Variants in STIM1 observed in about 807,000 individuals in gnomAD.
STIM1 encodes stromal interaction molecule 1.
In STIM1, 25 loss-of-function variants were observed where a neutral mutation model predicts 74.7. The ratio of observed to expected loss-of-function variants is 0.33; its 90% CI spans 0.24 to 0.47. The LOEUF (loss-of-function observed/expected upper bound fraction) is 0.47. Among genes scored for constraint, STIM1 ranks in the 20% least tolerant of loss-of-function variants. The pLI is 1.00. For missense variants in STIM1, 728 were observed against 920.8 expected (o/e 0.79, Z 2.71); for synonymous variants, 328 against 348.8 (o/e 0.94, Z 0.66).
At chr11:4,024,016 G>A in intron 3 of STIM1, 29 bp downstream of exon 3, 1 of 1,588,970 alleles carries the variant, frequency 6.3e-7, no homozygotes, top group Non-Finnish European at 8.6e-7. Flanking sequence ...ATCAATCCTA[G>A]TTGTGGGAAG....
chr11:3,897,237 C>A (rs1337174442), intron 1 of STIM1, among the ~76,000 whole-genome samples: 1 of 152,036 alleles, frequency 6.6e-6, no homozygotes, highest in Non-Finnish European at 1.5e-5. Flanking sequence ...TTCCATAAAG[C>A]CAGCTCTGGT....
At chr11:4,053,904 G>A (rs1339322141) in intron 3 of STIM1, among the ~76,000 whole-genome samples, 2 of 152,004 alleles carry the variant, frequency 1.3e-5, no homozygotes, top group Admixed American at 6.6e-5. Flanking sequence ...TACCATGCCC[G>A]GCCTATATTA....
chr11:3,944,598 G>A (rs965072436), intron 1 of STIM1, among the ~76,000 whole-genome samples: 1 of 152,214 alleles, frequency 6.6e-6, no homozygotes, highest in African/African-American at 2.4e-5. Context: ...AGTAGAAAGA[G>A]CACAATTTAA....
chr11:4,083,234 G>T, intron 9 of STIM1, 29 bp from the exon 10 acceptor site: 1 of 1,609,392 alleles, frequency 6.2e-7, no homozygotes, highest in Non-Finnish European at 8.5e-7. Context: ...CCAAGTCCAT[G>T]CCTGCAGTTC....
At chr11:3,934,205 T>C (rs1229068855) in intron 1 of STIM1, among the ~76,000 whole-genome samples, 3 of 148,620 alleles carry the variant, frequency 2.0e-5, no homozygotes, top group African/African-American at 7.4e-5. Context: ...GTGTCTTCAA[T>C]AGCTTTTCAG....
intron 2 of STIM1, among the ~76,000 whole-genome samples, chr11:4,013,690 C>CTTTTTTTTT (rs1169600270): frequency 0.018 from 954 of 51,950 alleles, 95 homozygotes; most frequent in Non-Finnish European, 0.022. Context: ...TCATTGATTT[C>CTTTTTTTTT]TTTTTTTTTT....
intron 3 of STIM1, among the ~76,000 whole-genome samples, chr11:4,041,144 G>A (rs2094143930): frequency 6.6e-6 from 1 of 152,170 alleles, no homozygotes. Context: ...AAGAAGCTGG[G>A]TTTTGTGATG....
chr11:3,954,559 G>A (rs1015221353), intron 1 of STIM1, among the ~76,000 whole-genome samples: 1 of 152,188 alleles, frequency 6.6e-6, no homozygotes, highest in Non-Finnish European at 1.5e-5. Flanking sequence ...AATATAGGTT[G>A]TTTTGAGAAT....
intron 3 of STIM1, among the ~76,000 whole-genome samples, chr11:4,032,431 T>G (rs1288653249): frequency 6.6e-6 from 1 of 152,254 alleles, no homozygotes; most frequent in Non-Finnish European, 1.5e-5. Flanking sequence ...CATGCTATTT[T>G]GATTACCATA....
intron 2 of STIM1, among the ~76,000 whole-genome samples, chr11:4,004,235 A>G (rs895531654): frequency 2.0e-5 from 3 of 152,148 alleles, no homozygotes; most frequent in Admixed American, 6.5e-5. Flanking sequence ...AATTGGAAAA[A>G]ACTAAAGTTC....
At chr11:3,994,361 G>C (rs1338175470) in intron 2 of STIM1, among the ~76,000 whole-genome samples, 1 of 151,784 alleles carries the variant, frequency 6.6e-6, no homozygotes, top group Non-Finnish European at 1.5e-5. Flanking sequence ...ATCCTATTTG[G>C]AGTTTATTAG....
At chr11:3,872,406 A>G (rs750719149) in intron 1 of STIM1, among the ~76,000 whole-genome samples, 3 of 152,236 alleles carry the variant, frequency 2.0e-5, no homozygotes, top group Non-Finnish European at 2.9e-5. Context: ...CTGGCATTAC[A>G]CCAGTTGGAA....
rs1179926759 is a variant in STIM1, at chr11:4,045,789, G to A, written c.386-9737G>A. ...TTTTTTTTTTTTTTTTTTTTGAGAC[G>A]AAGTTTTGCTCTGTTGCCCAGGCTG... On this transcript the variant is annotated intron_variant, in intron 3 of 12. Coordinates refer to ENST00000526596, the MANE Select transcript of STIM1 (RefSeq NM_001382567.1). Among the ~76,000 whole-genome samples, 7 of 108,990 alleles carry A rather than the reference G, an allele frequency of 6.4e-5. No individual in the cohort carries two copies. In the East Asian group the frequency reaches 8.2e-4, roughly 13 times the overall value. The allele number at this position is 108,990 out of a possible 152,430, so 71.5% of individuals were successfully genotyped here. A position where few individuals can be genotyped will look rare whatever the true frequency, so the allele number is the denominator to read the frequency against.
intron 2 of STIM1, among the ~76,000 whole-genome samples, chr11:3,997,082 CTG>C (rs1405608154): frequency 6.6e-6 from 1 of 152,222 alleles, no homozygotes; most frequent in Non-Finnish European, 1.5e-5. Context: ...TAGAGTTTCT[CTG>C]TCTTTGCCAT....
intron 1 of STIM1, among the ~76,000 whole-genome samples, chr11:3,895,855 C>CTT (rs2092143663): frequency 9.2e-6 from 1 of 109,152 alleles, no homozygotes; most frequent in Admixed American, 1.0e-4. Context: ...TTCTTTCTTT[C>CTT]TCTCTCTCTC....
intron 2 of STIM1, among the ~76,000 whole-genome samples, chr11:3,972,238 C>A (rs964659235): frequency 6.6e-6 from 1 of 152,170 alleles, no homozygotes; most frequent in Non-Finnish European, 1.5e-5. Context: ...TGGACTGTAA[C>A]CCCAGTTACA....
intron 1 of STIM1, among the ~76,000 whole-genome samples, chr11:3,879,107 C>T (rs949565942): frequency 7.2e-5 from 11 of 152,216 alleles, no homozygotes; most frequent in African/African-American, 2.2e-4. Context: ...AGGTGCACAC[C>T]GCCACACCCA....
intron 1 of STIM1, among the ~76,000 whole-genome samples, chr11:3,949,073 A>G (rs1266376141): frequency 6.6e-6 from 1 of 152,226 alleles, no homozygotes; most frequent in Non-Finnish European, 1.5e-5. Flanking sequence ...ACAGATAGAA[A>G]TGTAGGCATA....
intron 4 of STIM1, among the ~76,000 whole-genome samples, chr11:4,057,583 G>A (rs1392751023): frequency 1.3e-5 from 2 of 152,116 alleles, no homozygotes; most frequent in African/African-American, 4.8e-5. Context: ...CTAGAAAGTC[G>A]CACTAGGCCG....
Sources: gnomAD v4.1 joint callset for allele counts (sites outside exome capture counted in the v4.1 genomes callset) on GRCh38, gnomAD v4.1.1 for gene constraint, MANE v1.5 for transcripts, NCBI Gene and HGNC (gene_info 2026-07-23, HGNC 2026-07-21) for gene names.